The following CEP295 variants were observed in gnomAD, a reference collection of about 807,000 sequenced individuals.
CEP295 encodes centrosomal protein of 295 kDa.
In CEP295, 190 loss-of-function variants were observed where a neutral mutation model predicts 291.6. That is an observed-to-expected ratio of 0.65 (90% CI 0.58 to 0.73). The LOEUF (loss-of-function observed/expected upper bound fraction) is 0.73. CEP295 is among the 30% of genes least tolerant of loss of function. The pLI is 0.00. For missense variants in CEP295, 2,863 were observed against 2,949.4 expected, an observed-to-expected ratio of 0.97 and a Z score of 0.68; for synonymous variants, 993 against 1,038.8, an observed-to-expected ratio of 0.96 and a Z score of 0.85.
At chr11:93,669,915 T>C in intron 5 of CEP295, 145 bp downstream of exon 5, 5 of 559,136 alleles carry the variant, frequency 8.9e-6, no homozygotes, top group East Asian at 8.7e-5. Context: ...ATCTGGAGTA[T>C]GTTAAAATAA....
chr11:93,727,043 T>C lies in CEP295; in HGVS notation c.6567T>C (p.Asp2189=), dbSNP rs1319972096. The C allele has an allele frequency of 6.4e-7, 1 of 1,551,468 alleles. No individual in the cohort carries two copies. Among genetic ancestry groups the C allele is most frequent in the African/African-American group, 1.4e-5 (1 of 73,024 alleles). The change falls in exon 24 of 30, where the codon GAT becomes GAC. Residue 2189 remains aspartate, a synonymous_variant. Coordinates refer to ENST00000325212, the MANE Select transcript of CEP295 (RefSeq NM_033395.2). ...YSSQEESQHA[D]LPSIFSIEAR... ...CACAGGAGGAGAGCCAGCATGCTGA[T>C]CTACCAAGTATTTTTAGCATTGAAG...
chr11:93,671,130 A>T (rs997187294), intron 5 of CEP295, among the ~76,000 whole-genome samples: 2 of 151,774 alleles, frequency 1.3e-5, no homozygotes, highest in Non-Finnish European at 2.9e-5. Flanking sequence ...TGATCCACCC[A>T]CCTCTGCCTC....
chr11:93,684,476 A>G (rs951363989), intron 9 of CEP295, among the ~76,000 whole-genome samples: 1 of 152,088 alleles, frequency 6.6e-6, no homozygotes, highest in African/African-American at 2.4e-5. Flanking sequence ...TACACACCTG[A>G]ATGTGTGTTC....
In CEP295 at chr11:93,698,251, A is replaced by G. The variant is rs1951952324; in HGVS notation, c.3339A>G (p.Gln1113=). The G allele has an allele frequency of 6.4e-7, 1 of 1,551,828 alleles. No homozygotes were observed. Residue 1113 remains glutamine (Q), a synonymous_variant, in exon 15 of 30, where the codon CAA becomes CAG. Transcript: ENST00000325212. The part of the protein sequence containing the change: ...PVVVQHSVAS[Q]ASAKAEPRRI... Reference sequence around the variant, plus strand: ...TTGTTCAGCATTCAGTTGCTTCACAAGCTTCTGCTAAAGCTGAGCCTAGGA... The same window carrying G: ...TTGTTCAGCATTCAGTTGCTTCACAGGCTTCTGCTAAAGCTGAGCCTAGGA...
At chr11:93,682,607 AC>A (rs1357047776) in intron 7 of CEP295, among the ~76,000 whole-genome samples, 2 of 149,336 alleles carry the variant, frequency 1.3e-5, no homozygotes, top group African/African-American at 2.4e-5. Flanking sequence ...AAAAAAAAAA[AC>A]CGTGCAATCT....
intron 12 of CEP295, among the ~76,000 whole-genome samples, chr11:93,693,413 A>G (rs993644399): frequency 2.6e-5 from 4 of 152,194 alleles, no homozygotes; most frequent in African/African-American, 9.7e-5. Context: ...AGTTTTTTCA[A>G]AAATACAGCT....
At position 93,729,934 on chromosome 11, in the gene CEP295, G is replaced by C; in HGVS notation, c.7632G>C (p.Lys2544Asn). The stretch of plus-strand genomic sequence containing the variant: ...GAGCATCTTTTCCTGAAGACAGAAA[G>C]ACTACACAGGCTCTAAGGCACCAAA... Reference protein sequence around the residue: ...KVRASFPEDRKTTQALRHQRG... With the variant: ...KVRASFPEDRNTTQALRHQRG... The change falls in exon 28 of 30, where the codon AAG (lysine) becomes AAC (asparagine). Residue 2544 changes from lysine (K) to asparagine (N), a missense_variant. Lys to Asn is a moderately conservative substitution (Grantham distance 94). This residue lies in a region of CEP295 where 2,295 missense variants were observed against 2,335.7 expected (regional missense o/e 0.98). Coordinates refer to ENST00000325212, the MANE Select transcript of CEP295 (RefSeq NM_033395.2). 1 of 1,548,870 alleles carries C rather than the reference G, an allele frequency of 6.5e-7. No homozygotes were observed. Among genetic ancestry groups the C allele is most frequent in the Non-Finnish European group, 8.7e-7 (1 of 1,146,432 alleles).
intron 4 of CEP295, 49 bp from the exon 5 acceptor site, chr11:93,669,628 A>G (rs894779037): frequency 4.9e-6 from 6 of 1,224,650 alleles, no homozygotes; most frequent in Non-Finnish European, 5.9e-6. Flanking sequence ...CTGTTGTACT[A>G]TAATATTATC....
At chr11:93,715,979 G>T (rs914270262) in intron 18 of CEP295, among the ~76,000 whole-genome samples, 1 of 152,008 alleles carries the variant, frequency 6.6e-6, no homozygotes. Flanking sequence ...CACTCCCTTC[G>T]CCACCCTAGC....
chr11:93,718,456 C>T (rs534438551), intron 18 of CEP295, among the ~76,000 whole-genome samples: 13 of 152,262 alleles, frequency 8.5e-5, no homozygotes, highest in South Asian at 2.1e-4. Flanking sequence ...TCCCAAATGA[C>T]GACAGTTATT....
At chr11:93,705,937 T>C (rs1314381091) in intron 17 of CEP295, among the ~76,000 whole-genome samples, 2 of 152,292 alleles carry the variant, frequency 1.3e-5, no homozygotes, top group Non-Finnish European at 2.9e-5. Flanking sequence ...TGGCTGTTGA[T>C]ATTATTGAGC....
At chr11:93,664,629 A>G (rs1950129317) in intron 1 of CEP295, among the ~76,000 whole-genome samples, 1 of 152,200 alleles carries the variant, frequency 6.6e-6, no homozygotes. Context: ...CATTCAGTCA[A>G]CACACTTACT....
chr11:93,668,153 C>T (rs1950272551), intron 3 of CEP295, among the ~76,000 whole-genome samples: 1 of 151,970 alleles, frequency 6.6e-6, no homozygotes, highest in Non-Finnish European at 1.5e-5. Flanking sequence ...GAATTCAACC[C>T]CCCAACAAAC....
At chr11:93,690,861 A>G (rs1951507479) in intron 10 of CEP295, among the ~76,000 whole-genome samples, 1 of 151,906 alleles carries the variant, frequency 6.6e-6, no homozygotes, top group African/African-American at 2.4e-5. Flanking sequence ...TGAATGGGCC[A>G]AGGTTTGTTT....
chr11:93,694,420 A>G (rs1033733945), intron 12 of CEP295, among the ~76,000 whole-genome samples: 10 of 152,196 alleles, frequency 6.6e-5, no homozygotes, highest in Non-Finnish European at 4.4e-5. Context: ...TACTTTTACC[A>G]TAGATCTTAG....
At chr11:93,681,239 T>TG (rs1217863898) in intron 7 of CEP295, among the ~76,000 whole-genome samples, 273 of 31,528 alleles carry the variant, frequency 8.7e-3, no homozygotes, top group Middle Eastern at 0.014. Context: ...CATGTGTTGT[T>TG]TTTTTTTTTT....
At chr11:93,663,696 T>C (rs892858690) in intron 1 of CEP295, among the ~76,000 whole-genome samples, 17 of 152,260 alleles carry the variant, frequency 1.1e-4, no homozygotes, top group African/African-American at 3.6e-4. Context: ...TTTAAAAAAT[T>C]TAAAAATTAT....
intron 9 of CEP295, among the ~76,000 whole-genome samples, chr11:93,686,522 T>C (rs929333365): frequency 1.3e-5 from 2 of 152,176 alleles, no homozygotes; most frequent in Non-Finnish European, 2.9e-5. Context: ...GAAATCTCAT[T>C]GTTTTTAAAA....
In CEP295 at chr11:93,697,816, A is replaced by C; in HGVS notation, c.2904A>C (p.Arg968=). ...NIQKDSLQAR[R]EAQEVLYVHK... is the part of the protein sequence containing the mutation. ...AGAAGGATAGCCTTCAGGCTAGGCG[A>C]GAAGCCCAGGAAGTATTGTATGTAC... is the stretch of plus-strand genomic sequence containing the variant. Residue 968 remains arginine (R), a synonymous_variant, in exon 15 of 30, where the codon CGA becomes CGC. Coordinates refer to ENST00000325212, the MANE Select transcript of CEP295 (RefSeq NM_033395.2). The C allele has an allele frequency of 6.4e-7, 1 of 1,551,634 alleles. No individual in the cohort carries two copies. Among genetic ancestry groups the C allele is most frequent in the Non-Finnish European group, 8.7e-7 (1 of 1,146,942 alleles).
Sources: allele counts gnomAD v4.1 joint callset (sites outside exome capture counted in the v4.1 genomes callset), GRCh38; gene constraint gnomAD v4.1.1; regional missense constraint gnomAD v4.1.1; transcripts MANE v1.5; gene names NCBI Gene and HGNC (gene_info 2026-07-23, HGNC 2026-07-21).